CALCRL: variants seen among roughly 807,000 people sequenced by gnomAD.
The protein encoded by CALCRL is calcitonin receptor like receptor.
A neutral mutation model predicts 60.4 loss-of-function variants in CALCRL; 27 were observed. The ratio of observed to expected loss-of-function variants is 0.45; its 90% CI spans 0.33 to 0.62. CALCRL has a LOEUF of 0.62. Among genes scored for constraint, CALCRL ranks in the 20% least tolerant of loss-of-function variants. The pLI, the probability that CALCRL is intolerant of heterozygous loss-of-function variation, is 0.03. For missense variants in CALCRL, 424 were observed against 540.7 expected (o/e 0.78, Z 2.14); for synonymous variants, 190 against 182.6 (o/e 1.04, Z -0.33).
chr2:187,423,040 A>T (rs1010799657), intron 1 of CALCRL, among the ~76,000 whole-genome samples: 5 of 152,050 alleles, frequency 3.3e-5, no homozygotes, highest in Non-Finnish European at 5.9e-5. Context: ...TACAATTCAC[A>T]TTACAGTATT....
At chr2:187,369,921 A>G (rs1687448964) in intron 8 of CALCRL, among the ~76,000 whole-genome samples, 1 of 152,184 alleles carries the variant, frequency 6.6e-6, no homozygotes, top group Non-Finnish European at 1.5e-5. Flanking sequence ...AGGGGCAAGA[A>G]CAGGCCATGT....
chr2:187,432,065 A>G (rs1690431281), intron 1 of CALCRL, among the ~76,000 whole-genome samples: 1 of 152,162 alleles, frequency 6.6e-6, no homozygotes, highest in Non-Finnish European at 1.5e-5. Context: ...CAATATGGTC[A>G]TAGTGGAGTG....
Position 187,352,176 on chromosome 2 carries a change from G to A in CALCRL, c.1066C>T (p.Pro356Ser). ...ACCTCCTCTGCAATCTTTCCTTCAG[G>A]TCGCCATGGAATCAGCACAAATTCA... ...GIEFVLIPWR[P>S]EGKIAEEVYD... The change falls in exon 13 of 15, where the codon CCT (proline) becomes TCT (serine). Residue 356 changes from proline to serine, a missense_variant. Coordinates refer to ENST00000392370, the MANE Select transcript of CALCRL (RefSeq NM_005795.6). 6.2e-7 allele frequency: 1 copy of A among 1,612,338 alleles called. No individual in the cohort carries two copies.
intron 8 of CALCRL, among the ~76,000 whole-genome samples, chr2:187,374,259 C>A (rs1429143999): frequency 6.6e-6 from 1 of 152,066 alleles, no homozygotes; most frequent in Non-Finnish European, 1.5e-5. Context: ...ATGAGTTTTA[C>A]TTGAAGACGG....
chr2:187,402,166 G>T (rs970733986), intron 1 of CALCRL, among the ~76,000 whole-genome samples: 12 of 151,130 alleles, frequency 7.9e-5, no homozygotes, highest in African/African-American at 2.9e-4. Flanking sequence ...CTCCATCTTA[G>T]TACCTTTTAC....
chr2:187,387,560 T>C (rs1688259698), intron 2 of CALCRL, 67 bp from the exon 3 acceptor site: 1 of 371,250 alleles, frequency 2.7e-6, no homozygotes. Flanking sequence ...AGTGTTGTTA[T>C]AGACAGAAAA....
chr2:187,404,993 A>T lies in CALCRL; in HGVS notation c.-292-17237T>A, dbSNP rs562907791. ...GTTTGGATACTAGGGTTTGGATACC[A>T]GCTGTGGAACTGCAGTATTTCCTAA... On this transcript the variant is annotated intron_variant, in intron 1 of 14. Transcript: ENST00000392370. Among the ~76,000 whole-genome samples, 10 of 152,128 alleles carry T rather than the reference A, an allele frequency of 6.6e-5. No individual in the cohort carries two copies. In the South Asian group the frequency reaches 1.9e-3, roughly 28 times the overall value.
intron 1 of CALCRL, among the ~76,000 whole-genome samples, chr2:187,445,211 G>A (rs1691117378): frequency 6.6e-6 from 1 of 151,564 alleles, no homozygotes; most frequent in Non-Finnish European, 1.5e-5. Flanking sequence ...TCTCATAAGA[G>A]CGTCTTTCAT....
chr2:187,385,526 T>C lies in CALCRL; in HGVS notation c.51+19A>G, dbSNP rs1244758375. 2 of 1,166,492 alleles carry C rather than the reference T, an allele frequency of 1.7e-6. No individual in the cohort carries two copies. Among genetic ancestry groups the C allele is most frequent in the East Asian group, 2.4e-5 (1 of 42,536 alleles). The allele number at this position is 1,166,492 out of a possible 1,614,324, so 72.3% of individuals were successfully genotyped here. A position where few individuals can be genotyped will look rare whatever the true frequency, so the allele number is the denominator to read the frequency against. ...CTGGAAGCAATAACAGACATAATCA[T>C]ATATATTTTTATGCTTACCATAAAA... On this transcript the variant is annotated intron_variant, in intron 4 of 14. Coordinates refer to ENST00000392370, the MANE Select transcript of CALCRL (RefSeq NM_005795.6).
intron 1 of CALCRL, among the ~76,000 whole-genome samples, chr2:187,426,161 G>A (rs1371376372): frequency 6.6e-6 from 1 of 150,412 alleles, no homozygotes; most frequent in Non-Finnish European, 1.5e-5. Context: ...CAAGAAAGAA[G>A]ATAAAGTGAC....
chr2:187,354,616 A>C (rs1686687253), intron 12 of CALCRL, among the ~76,000 whole-genome samples: 2 of 152,060 alleles, frequency 1.3e-5, no homozygotes, highest in South Asian at 2.1e-4. Flanking sequence ...TCTGGAGCTT[A>C]AACAAGGACA....
chr2:187,429,168 T>A (rs1690288728), intron 1 of CALCRL, among the ~76,000 whole-genome samples: 1 of 152,162 alleles, frequency 6.6e-6, no homozygotes, highest in South Asian at 2.1e-4. Context: ...GCCAGAGACA[T>A]TTCCCTTTAT....
chr2:187,354,280 A>G (rs984274475), intron 12 of CALCRL, among the ~76,000 whole-genome samples: 1 of 151,944 alleles, frequency 6.6e-6, no homozygotes, highest in African/African-American at 2.4e-5. Flanking sequence ...GAACTGGGGT[A>G]AATCTATACA....
At chr2:187,414,037 T>G (rs866754031) in intron 1 of CALCRL, among the ~76,000 whole-genome samples, 6 of 152,264 alleles carry the variant, frequency 3.9e-5, no homozygotes, top group Middle Eastern at 6.8e-3. Context: ...CATATTGGAA[T>G]GAGGAGAACT....
intron 8 of CALCRL, among the ~76,000 whole-genome samples, chr2:187,378,212 A>G (rs944863577): frequency 2.0e-5 from 3 of 152,174 alleles, no homozygotes; most frequent in Admixed American, 2.0e-4. Context: ...GAAGATGACT[A>G]CAATGCGATG....
chr2:187,420,097 C>T (rs78596607), intron 1 of CALCRL, among the ~76,000 whole-genome samples: 3 of 152,096 alleles, frequency 2.0e-5, no homozygotes, highest in South Asian at 2.1e-4. Flanking sequence ...TTCAAGAAAG[C>T]CTTCAGGACA....
chr2:187,383,165 A>G lies in CALCRL; in HGVS notation c.184+8T>C. ...CAAATGCATTTACAACTAAGTAGCC[A>G]TGCTTACCTTCTGCTTGTTGAATGG... On this transcript the variant is annotated splice_region_variant and intron_variant, in intron 5 of 14. Coordinates refer to ENST00000392370, the MANE Select transcript of CALCRL (RefSeq NM_005795.6). The G allele has an allele frequency of 6.2e-7, 1 of 1,607,628 alleles. No homozygotes were observed. The highest frequency in any genetic ancestry group is 8.5e-7 in the Non-Finnish European group (1 of 1,178,760).
chr2:187,439,652 C>T (rs186971219), intron 1 of CALCRL, among the ~76,000 whole-genome samples: 3 of 152,160 alleles, frequency 2.0e-5, no homozygotes, highest in East Asian at 1.9e-4. Context: ...AAATAATCAT[C>T]GATGTAAGCT....
At chr2:187,415,488 T>G (rs1689559851) in intron 1 of CALCRL, 1 of 315,212 alleles carries the variant, frequency 3.2e-6, no homozygotes, top group East Asian at 7.2e-5. Context: ...GAAGTGTACT[T>G]AATAATATTG....
Sources: allele counts gnomAD v4.1 joint callset (sites outside exome capture counted in the v4.1 genomes callset), GRCh38; gene constraint gnomAD v4.1.1; transcripts MANE v1.5; gene names NCBI Gene and HGNC (gene_info 2026-07-23, HGNC 2026-07-21).